RIMS2: variants seen among roughly 807,000 people sequenced by gnomAD.
The protein encoded by RIMS2 is regulating synaptic membrane exocytosis 2.
A neutral mutation model predicts 174.4 loss-of-function variants in RIMS2; 59 were observed. The ratio of observed to expected loss-of-function variants is 0.34; its 90% CI spans 0.27 to 0.42. The LOEUF (loss-of-function observed/expected upper bound fraction) is 0.42, where lower values mean the gene tolerates loss of function less well. RIMS2 is among the 10% of genes least tolerant of loss of function. The pLI is 1.00. For missense variants in RIMS2, 1,620 were observed against 1,666.3 expected, an observed-to-expected ratio of 0.97 and a Z score of 0.48; for synonymous variants, 606 against 572.5, an observed-to-expected ratio of 1.06 and a Z score of -0.84.
At chr8:103,507,919 C>A (rs1392105527) in intron 1 of RIMS2, among the ~76,000 whole-genome samples, 1 of 151,988 alleles carries the variant, frequency 6.6e-6, no homozygotes, top group Non-Finnish European at 1.5e-5. Flanking sequence ...CAACCATAAT[C>A]ATATGAACAC....
At chr8:103,740,674 T>A (rs769374056) in intron 2 of RIMS2, among the ~76,000 whole-genome samples, 4 of 152,188 alleles carry the variant, frequency 2.6e-5, no homozygotes, top group Non-Finnish European at 1.5e-5. Context: ...TCTAATATTT[T>A]CATTGTATGT....
intron 3 of RIMS2, among the ~76,000 whole-genome samples, chr8:103,801,516 C>T (rs1321678754): frequency 6.6e-6 from 1 of 152,044 alleles, no homozygotes; most frequent in African/African-American, 2.4e-5. Flanking sequence ...TCAACATAAC[C>T]TTTTTCATGT....
intron 3 of RIMS2, among the ~76,000 whole-genome samples, chr8:103,867,226 T>G (rs1191939567): frequency 1.3e-5 from 2 of 151,918 alleles, no homozygotes. Context: ...TTATTAAGAT[T>G]GTCTACATTC....
chr8:103,530,532 G>A (rs948316236), intron 1 of RIMS2, among the ~76,000 whole-genome samples: 1 of 151,958 alleles, frequency 6.6e-6, no homozygotes, highest in Non-Finnish European at 1.5e-5. Context: ...GATGGTTAAA[G>A]TATATGATAT....
At chr8:103,547,860 C>A (rs911451892) in intron 1 of RIMS2, among the ~76,000 whole-genome samples, 1 of 152,028 alleles carries the variant, frequency 6.6e-6, no homozygotes, top group Admixed American at 6.6e-5. Flanking sequence ...TACTAAAAAA[C>A]CTTCAGAAAC....
chr8:103,839,144 C>T (rs2098924031), intron 3 of RIMS2, among the ~76,000 whole-genome samples: 1 of 152,200 alleles, frequency 6.6e-6, no homozygotes, highest in Non-Finnish European at 1.5e-5. Context: ...AATCCTTTTA[C>T]ATATTCATTG....
intron 17 of RIMS2, among the ~76,000 whole-genome samples, chr8:104,008,241 C>G (rs562912248): frequency 6.6e-6 from 1 of 152,088 alleles, no homozygotes; most frequent in East Asian, 1.9e-4. Context: ...CAAACATTCA[C>G]TGAATATGGG....
At chr8:104,202,585 G>A (rs918032716) in intron 19 of RIMS2, among the ~76,000 whole-genome samples, 8 of 152,178 alleles carry the variant, frequency 5.3e-5, no homozygotes, top group Non-Finnish European at 8.8e-5. Flanking sequence ...AGCAGGATTG[G>A]TTTCCTCTGA....
chr8:104,245,116 T>A, intron 20 of RIMS2, 59 bp downstream of exon 26: 1 of 1,542,806 alleles, frequency 6.5e-7, no homozygotes, highest in South Asian at 1.2e-5. Flanking sequence ...TCACTCTATG[T>A]GCTTTCACAG....
intron 1 of RIMS2, among the ~76,000 whole-genome samples, chr8:103,612,611 T>A (rs915183087): frequency 9.9e-5 from 15 of 152,272 alleles, no homozygotes; most frequent in Admixed American, 3.9e-4. Flanking sequence ...CGGAATCTTG[T>A]GCTGTCACCC....
intron 1 of RIMS2, among the ~76,000 whole-genome samples, chr8:103,683,370 C>T (rs186426751): frequency 1.3e-5 from 2 of 152,120 alleles, no homozygotes; most frequent in African/African-American, 4.8e-5. Flanking sequence ...ACAACTCACT[C>T]TTGTGAGAAC....
chr8:104,134,664 A>T (rs757796815), intron 19 of RIMS2, among the ~76,000 whole-genome samples: 4 of 152,230 alleles, frequency 2.6e-5, no homozygotes, highest in Non-Finnish European at 4.4e-5. Flanking sequence ...TTGATTAGGC[A>T]CAAATAAGAT....
In RIMS2 at chr8:104,198,440, T is replaced by C. The variant is rs1900522; in HGVS notation, c.3335-46476T>C. ...TCTTATTCTATTATTTTCCTCCTTA[T>C]GAGAAACCACACAAAAGACAGAGGC... On this transcript the variant is annotated intron_variant, in intron 19 of 23. Coordinates refer to ENST00000504942, the Ensembl canonical transcript of RIMS2. Among the ~76,000 whole-genome samples, 261 of 152,326 alleles carry C rather than the reference T, an allele frequency of 1.7e-3. 1 individual carries two copies. The highest frequency in any genetic ancestry group is 5.9e-3 in the African/African-American group (247 of 41,586).
chr8:103,653,052 C>T (rs1420611462), intron 1 of RIMS2, among the ~76,000 whole-genome samples: 1 of 151,986 alleles, frequency 6.6e-6, no homozygotes, highest in Non-Finnish European at 1.5e-5. Context: ...GATATTAACC[C>T]CCAAATTCAA....
chr8:103,965,066 A>G (rs2091435874), intron 15 of RIMS2, among the ~76,000 whole-genome samples: 1 of 152,136 alleles, frequency 6.6e-6, no homozygotes, highest in African/African-American at 2.4e-5. Context: ...CTGTAGTTTC[A>G]TAGTAAGTAT....
chr8:104,247,672 A>T (rs1486873784), intron 20 of RIMS2, among the ~76,000 whole-genome samples: 1 of 152,156 alleles, frequency 6.6e-6, no homozygotes, highest in Non-Finnish European at 1.5e-5. Flanking sequence ...ACAGGACCAG[A>T]GTTTGGATTT....
intron 19 of RIMS2, among the ~76,000 whole-genome samples, chr8:104,187,665 T>A (rs1291446848): frequency 6.6e-6 from 1 of 151,872 alleles, no homozygotes; most frequent in Non-Finnish European, 1.5e-5. Context: ...ACTGAAGTTT[T>A]TCCTCATATT....
intron 1 of RIMS2, among the ~76,000 whole-genome samples, chr8:103,506,555 A>T (rs1823724356): frequency 6.6e-6 from 1 of 151,924 alleles, no homozygotes; most frequent in African/African-American, 2.4e-5. Context: ...GAGTAATAAC[A>T]CCTATTTTGA....
intron 16 of RIMS2, among the ~76,000 whole-genome samples, chr8:103,982,887 G>A (rs561453322): frequency 1.3e-5 from 2 of 152,160 alleles, no homozygotes; most frequent in Non-Finnish European, 2.9e-5. Context: ...CATAGTACTG[G>A]AAGTCCTAAC....
Sources: gnomAD v4.1 joint callset for allele counts (sites outside exome capture counted in the v4.1 genomes callset) on GRCh38, gnomAD v4.1.1 for gene constraint, MANE v1.5 for transcripts, NCBI Gene and HGNC (gene_info 2026-07-23, HGNC 2026-07-21) for gene names.